The following PPP1R13B variants were observed in gnomAD, a reference collection of about 807,000 sequenced individuals.
PPP1R13B encodes the protein protein phosphatase 1 regulatory subunit 13B.
In PPP1R13B, 44 loss-of-function variants were observed where a neutral mutation model predicts 119.8. The observed-to-expected ratio is 0.37, with a 90% CI of 0.29 to 0.47. The LOEUF is 0.47. Among genes scored for constraint, PPP1R13B ranks in the 20% least tolerant of loss-of-function variants. The pLI, the probability that PPP1R13B is intolerant of heterozygous loss-of-function variation, is 0.99. For missense variants in PPP1R13B, 1,227 were observed against 1,413.5 expected, an observed-to-expected ratio of 0.87 and a Z score of 2.12; for synonymous variants, 542 against 561.5, an observed-to-expected ratio of 0.97 and a Z score of 0.49.
At chr14:103,825,877 CT>C (rs2086527880) in intron 1 of PPP1R13B, among the ~76,000 whole-genome samples, 1 of 149,424 alleles carries the variant, frequency 6.7e-6, no homozygotes, top group Non-Finnish European at 1.5e-5. Flanking sequence ...GAGAGTCTCG[CT>C]CTATCGCCAA....
intron 2 of PPP1R13B, among the ~76,000 whole-genome samples, chr14:103,796,622 GT>G: frequency 6.6e-6 from 1 of 152,190 alleles, no homozygotes; most frequent in East Asian, 1.9e-4. Context: ...AGATTCCTAG[GT>G]TTATACTACT....
At position 103,735,013 on chromosome 14, in the gene PPP1R13B, G is replaced by A; in HGVS notation, c.*141C>T. 4.3e-6 allele frequency: 4 copies of A among 932,900 alleles called. No homozygotes were observed. In the South Asian group the frequency reaches 5.6e-5, roughly 13 times the overall value. 57.8% of individuals were successfully genotyped at this position (932,900 alleles called of 1,614,324 possible). A position where few individuals can be genotyped will look rare whatever the true frequency, so the allele number is the denominator to read the frequency against. Reference sequence around the variant, plus strand: ...AAAGGGCCTCACCTGGAAACTGTAGGATTCACATTGTGGACGCTGTCTGCT... The same window carrying A: ...AAAGGGCCTCACCTGGAAACTGTAGAATTCACATTGTGGACGCTGTCTGCT... On this transcript the variant is annotated 3_prime_UTR_variant, in exon 17 of 17. Coordinates refer to ENST00000202556, the MANE Select transcript of PPP1R13B (RefSeq NM_015316.3).
intron 9 of PPP1R13B, among the ~76,000 whole-genome samples, chr14:103,743,380 A>G (rs981010566): frequency 4.6e-5 from 7 of 152,234 alleles, no homozygotes; most frequent in African/African-American, 1.7e-4. Context: ...GGAGCAGGCT[A>G]TCATTCTGTT....
At chr14:103,769,892 C>G (rs2085026229) in intron 4 of PPP1R13B, among the ~76,000 whole-genome samples, 1 of 152,094 alleles carries the variant, frequency 6.6e-6, no homozygotes, top group South Asian at 2.1e-4. Flanking sequence ...TAAAATCAAG[C>G]CTCTCTAACA....
chr14:103,739,035 G>C lies in PPP1R13B; in HGVS notation c.2593-12C>G, dbSNP rs780381877. On this transcript the variant is annotated splice_polypyrimidine_tract_variant and intron_variant, in intron 12 of 16. Transcript: ENST00000202556. ...TTGGTCCGCTTGTTCTGTTGGGAAG[G>C]AAGCACGCTTTCCAGTTAAAGGTGG... is the stretch of plus-strand genomic sequence containing the variant. 5 of 1,609,110 alleles carry C rather than the reference G, an allele frequency of 3.1e-6. No homozygotes were observed. Among genetic ancestry groups the C allele is most frequent in the Non-Finnish European group, 4.2e-6 (5 of 1,177,154 alleles).
At chr14:103,806,107 T>A (rs759430443) in intron 1 of PPP1R13B, among the ~76,000 whole-genome samples, 1 of 152,188 alleles carries the variant, frequency 6.6e-6, no homozygotes, top group Non-Finnish European at 1.5e-5. Flanking sequence ...ACTTACATGG[T>A]ACAAAGAACC....
intron 4 of PPP1R13B, among the ~76,000 whole-genome samples, chr14:103,768,936 TAAAGA>T (rs2085000559): frequency 6.6e-6 from 1 of 152,188 alleles, no homozygotes; most frequent in Non-Finnish European, 1.5e-5. Flanking sequence ...TATTTCACAA[TAAAGA>T]ATAGAAAAAA....
At chr14:103,836,109 G>C (rs747862020) in intron 1 of PPP1R13B, among the ~76,000 whole-genome samples, 1 of 150,014 alleles carries the variant, frequency 6.7e-6, no homozygotes, top group Non-Finnish European at 1.5e-5. Context: ...GCAGAGGCAC[G>C]ATCTTAGCTC....
chr14:103,788,769 A>C (rs2066334758), intron 2 of PPP1R13B, among the ~76,000 whole-genome samples: 1 of 152,144 alleles, frequency 6.6e-6, no homozygotes, highest in Admixed American at 6.5e-5. Flanking sequence ...GCTTCATGAG[A>C]TATTGTAACT....
intron 1 of PPP1R13B, 58 bp from the exon 2 acceptor site, chr14:103,797,576 T>C: frequency 6.9e-7 from 1 of 1,455,688 alleles, no homozygotes; most frequent in Non-Finnish European, 9.4e-7. Context: ...CAGATTAATC[T>C]GTAAATTTAA....
chr14:103,737,635 T>C lies in PPP1R13B; in HGVS notation c.3031+59A>G, dbSNP rs1233942268. On this transcript the variant is annotated intron_variant, in intron 15 of 16. Transcript: ENST00000202556. The stretch of plus-strand genomic sequence containing the variant: ...AAGCTTCTCTGGCACCGGCTGACTG[T>C]TGCCATGGCAGTACCACAGCAGACA... 1.9e-6 allele frequency: 3 copies of C among 1,553,344 alleles called. No homozygotes were observed. The East Asian group carries it at 6.8e-5, about 35-fold the overall frequency.
rs543734518 is a variant in PPP1R13B, at chr14:103,847,536, C to G, written c.-229G>C. 6 of 986,140 alleles carry G rather than the reference C, an allele frequency of 6.1e-6. No homozygotes were observed. The Admixed American group carries it at 2.5e-4, about 41-fold the overall frequency. 61.1% of individuals were successfully genotyped at this position (986,140 alleles called of 1,614,324 possible). A position where few individuals can be genotyped will look rare whatever the true frequency, so the allele number is the denominator to read the frequency against. On this transcript the variant is annotated 5_prime_UTR_variant, in exon 1 of 17. Coordinates refer to ENST00000202556, the MANE Select transcript of PPP1R13B (RefSeq NM_015316.3). ...GGCACCCGGCCGCCGCCGCCGCCGCCTCAACCTCAGCCTCAGCCTCAGCCC... is the reference window on the plus strand; with the variant it reads ...GGCACCCGGCCGCCGCCGCCGCCGCGTCAACCTCAGCCTCAGCCTCAGCCC...
At chr14:103,825,267 C>T (rs1438941415) in intron 1 of PPP1R13B, among the ~76,000 whole-genome samples, 1 of 152,158 alleles carries the variant, frequency 6.6e-6, no homozygotes, top group African/African-American at 2.4e-5. Flanking sequence ...CCCTGAGACA[C>T]ATTATTGAAA....
At chr14:103,754,937 G>T (rs1403804716) in intron 5 of PPP1R13B, among the ~76,000 whole-genome samples, 2 of 151,906 alleles carry the variant, frequency 1.3e-5, no homozygotes, top group Admixed American at 1.3e-4. Flanking sequence ...CCACCACCAT[G>T]CCCAGCTAAT....
At chr14:103,770,540 C>T (rs1347157456) in intron 4 of PPP1R13B, among the ~76,000 whole-genome samples, 1 of 151,974 alleles carries the variant, frequency 6.6e-6, no homozygotes, top group Non-Finnish European at 1.5e-5. Context: ...CATCCATATC[C>T]ATTCAATTCA....
chr14:103,794,728 T>C (rs970228436), intron 2 of PPP1R13B: 2 of 383,348 alleles, frequency 5.2e-6, no homozygotes, highest in Non-Finnish European at 1.0e-5. Context: ...GCTGTTACAG[T>C]GCTTGCCCTC....
chr14:103,840,443 T>C (rs1419532406), intron 1 of PPP1R13B, among the ~76,000 whole-genome samples: 1 of 152,224 alleles, frequency 6.6e-6, no homozygotes, highest in Non-Finnish European at 1.5e-5. Context: ...AAAATACATT[T>C]AACACATTTA....
At chr14:103,845,444 G>A (rs1481280651) in intron 1 of PPP1R13B, among the ~76,000 whole-genome samples, 3 of 152,038 alleles carry the variant, frequency 2.0e-5, no homozygotes, top group South Asian at 2.1e-4. Context: ...AAACAAAAGC[G>A]GTGTTTTAAA....
intron 1 of PPP1R13B, among the ~76,000 whole-genome samples, chr14:103,834,066 C>A (rs1456379582): frequency 1.3e-5 from 2 of 152,182 alleles, no homozygotes; most frequent in Admixed American, 6.6e-5. Context: ...AAACACCAGG[C>A]TGATATAAGT....
Sources: gnomAD v4.1 joint callset for allele counts (sites outside exome capture counted in the v4.1 genomes callset) on GRCh38, gnomAD v4.1.1 for gene constraint, MANE v1.5 for transcripts, NCBI Gene and HGNC (gene_info 2026-07-23, HGNC 2026-07-21) for gene names.